CACNG2: variants seen among roughly 807,000 people sequenced by gnomAD.
CACNG2 encodes voltage-dependent calcium channel gamma-2 subunit.
CACNG2 carries 3 observed loss-of-function variants against 25.9 expected under a neutral mutation model. The observed-to-expected ratio is 0.12, with a 90% CI of 0.05 to 0.30. The LOEUF is 0.30. CACNG2 is among the 10% of genes least tolerant of loss of function. The pLI is 1.00. For missense variants in CACNG2, 341 were observed against 432.5 expected (o/e 0.79, Z 1.88); for synonymous variants, 167 against 173.3 (o/e 0.96, Z 0.29).
At chr22:36,568,284 C>T (rs1464762296) in intron 2 of CACNG2, among the ~76,000 whole-genome samples, 1 of 152,182 alleles carries the variant, frequency 6.6e-6, no homozygotes, top group Non-Finnish European at 1.5e-5. Context: ...AGCGGAGCTT[C>T]CTCTTATCCC....
In CACNG2 at chr22:36,563,365, CCGG is replaced by C. The variant is rs1035001000; in HGVS notation, c.*983_*985del. On this transcript the variant is annotated 3_prime_UTR_variant, in exon 4 of 4. Transcript: ENST00000300105. ...AGGAGGGAGAGCTGTTTCATGTCCC[CCGG>C]GGGGGGGGGTGGCATCTCCTGACCC... Among the ~76,000 whole-genome samples the C allele has an allele frequency of 2.0e-4, 14 of 70,090 alleles. No homozygotes were observed. The highest frequency in any genetic ancestry group is 4.6e-4 in the African/African-American group (4 of 8,706). 46.0% of individuals were successfully genotyped at this position (70,090 alleles called of 152,430 possible).
chr22:36,684,394 T>A (rs1937168541), intron 1 of CACNG2, among the ~76,000 whole-genome samples: 1 of 151,968 alleles, frequency 6.6e-6, no homozygotes, highest in Admixed American at 6.6e-5. Context: ...GGTGGGTGGA[T>A]CCCTTGAGCT....
chr22:36,619,203 T>G (rs2145947806), intron 1 of CACNG2, among the ~76,000 whole-genome samples: 1 of 152,340 alleles, frequency 6.6e-6, no homozygotes, highest in Non-Finnish European at 1.5e-5. Context: ...TATCAATCTA[T>G]GCTCATTCCA....
At chr22:36,650,402 G>C (rs1385466275) in intron 1 of CACNG2, among the ~76,000 whole-genome samples, 1 of 151,956 alleles carries the variant, frequency 6.6e-6, no homozygotes, top group East Asian at 1.9e-4. Flanking sequence ...ACGGGGTCTT[G>C]CTCTGTTGCT....
chr22:36,580,421 A>T (rs1479140517), intron 2 of CACNG2, among the ~76,000 whole-genome samples: 1 of 151,662 alleles, frequency 6.6e-6, no homozygotes, highest in Non-Finnish European at 1.5e-5. Context: ...AACTGGGTGT[A>T]CCTCTCTTGT....
At chr22:36,602,566 A>T (rs11705192) in intron 1 of CACNG2, among the ~76,000 whole-genome samples, 2 of 150,528 alleles carry the variant, frequency 1.3e-5, no homozygotes, top group Admixed American at 1.3e-4. Context: ...TTGTATTTTT[A>T]GTAGAGACGG....
At chr22:36,639,464 G>A (rs1255698515) in intron 1 of CACNG2, among the ~76,000 whole-genome samples, 1 of 152,162 alleles carries the variant, frequency 6.6e-6, no homozygotes, top group Non-Finnish European at 1.5e-5. Flanking sequence ...GTCTGGGATT[G>A]TAGTATTTTG....
At chr22:36,689,230 C>T (rs1324580093) in intron 1 of CACNG2, among the ~76,000 whole-genome samples, 1 of 151,924 alleles carries the variant, frequency 6.6e-6, no homozygotes, top group African/African-American at 2.4e-5. Context: ...CTTCTGACAC[C>T]CAAAAAACAT....
At chr22:36,589,308 T>C (rs1935552102) in intron 1 of CACNG2, among the ~76,000 whole-genome samples, 1 of 151,878 alleles carries the variant, frequency 6.6e-6, no homozygotes, top group Non-Finnish European at 1.5e-5. Flanking sequence ...TATATATATA[T>C]GTGTGTGTGT....
intron 1 of CACNG2, among the ~76,000 whole-genome samples, chr22:36,600,149 A>G (rs573257404): frequency 9.8e-5 from 15 of 152,364 alleles, no homozygotes; most frequent in African/African-American, 3.6e-4. Flanking sequence ...GATAAAGGGT[A>G]TCTGAGCCAC....
rs11912335 is a variant in CACNG2, at chr22:36,593,153, G to A, written c.212-5605C>T. 6.9e-3 allele frequency among the ~76,000 whole-genome samples: 1,047 copies of A among 152,258 alleles called. 14 individuals carry two copies. Among genetic ancestry groups the A allele is most frequent in the African/African-American group, 0.023 (972 of 41,548 alleles). ...AATGCAGGAGCCACCCCTTCCCCCA[G>A]CCAGCTTCCCTGACATAGTAAGACT... On this transcript the variant is annotated intron_variant, in intron 1 of 3. Transcript: ENST00000300105.
In CACNG2 at chr22:36,703,568, G is replaced by C. The variant is rs1425340568; in HGVS notation, c.-992C>G. 4.6e-5 allele frequency: 5 copies of C among 109,334 alleles called. No individual in the cohort carries two copies. Among genetic ancestry groups the C allele is most frequent in the Non-Finnish European group, 7.1e-5 (4 of 56,108 alleles). 6.8% of individuals were successfully genotyped at this position (109,334 alleles called of 1,614,324 possible). A position where few individuals can be genotyped will look rare whatever the true frequency, so the allele number is the denominator to read the frequency against. ...CAGCTCCCTGCGCCGCCCGCTCCGC[G>C]CGCTCCCCGGCTGGCTCCCAGGGCC... On this transcript the variant is annotated 5_prime_UTR_variant, in exon 1 of 4. Coordinates refer to ENST00000300105, the MANE Select transcript of CACNG2 (RefSeq NM_006078.5).
At chr22:36,630,088 G>A (rs1038247754) in intron 1 of CACNG2, among the ~76,000 whole-genome samples, 4 of 152,274 alleles carry the variant, frequency 2.6e-5, no homozygotes, top group South Asian at 4.1e-4. Flanking sequence ...ACCAGAAGAA[G>A]GCAGTGCGGG....
intron 1 of CACNG2, among the ~76,000 whole-genome samples, chr22:36,669,220 G>A (rs1268974466): frequency 6.6e-6 from 1 of 152,046 alleles, no homozygotes; most frequent in African/African-American, 2.4e-5. Flanking sequence ...TCCTCTCTGA[G>A]GCTGGGCGTG....
chr22:36,597,908 T>C (rs919448635), intron 1 of CACNG2, among the ~76,000 whole-genome samples: 4 of 152,250 alleles, frequency 2.6e-5, no homozygotes, highest in African/African-American at 9.6e-5. Flanking sequence ...ATATTCTCTT[T>C]GTGTATTGTT....
At chr22:36,567,668 A>G (rs1935149871) in intron 2 of CACNG2, among the ~76,000 whole-genome samples, 1 of 152,106 alleles carries the variant, frequency 6.6e-6, no homozygotes, top group Non-Finnish European at 1.5e-5. Flanking sequence ...CACCTGAATG[A>G]GGACCCAGAG....
intron 1 of CACNG2, among the ~76,000 whole-genome samples, chr22:36,685,483 TG>T (rs67257196): frequency 0.064 from 9,680 of 152,172 alleles, 1,048 homozygotes; most frequent in African/African-American, 0.22. Flanking sequence ...GGGTGGCAGC[TG>T]GCTTCCTTTA....
Position 36,616,796 on chromosome 22 carries a change from G to T in CACNG2, c.212-29248C>A, listed in dbSNP as rs532606692. 4.6e-5 allele frequency among the ~76,000 whole-genome samples: 7 copies of T among 152,204 alleles called. No homozygotes were observed. In the South Asian group the frequency reaches 1.5e-3, roughly 32 times the overall value. Reference sequence around the variant, plus strand: ...TTCTTCAAAGCACAACTAAAATCCTGCCTCCTTTATGAAGTCTTTCCTGAC... The same window carrying T: ...TTCTTCAAAGCACAACTAAAATCCTTCCTCCTTTATGAAGTCTTTCCTGAC... On this transcript the variant is annotated intron_variant, in intron 1 of 3. Transcript: ENST00000300105.
At chr22:36,660,937 G>A (rs1317544527) in intron 1 of CACNG2, among the ~76,000 whole-genome samples, 2 of 152,192 alleles carry the variant, frequency 1.3e-5, no homozygotes, top group Non-Finnish European at 2.9e-5. Flanking sequence ...ATTGTTACAG[G>A]ATTAAATGAG....
Sources: allele counts gnomAD v4.1 joint callset (sites outside exome capture counted in the v4.1 genomes callset), GRCh38; gene constraint gnomAD v4.1.1; transcripts MANE v1.5; gene names NCBI Gene and HGNC (gene_info 2026-07-23, HGNC 2026-07-21).